The following ADARB2 variants were observed in gnomAD, a reference collection of about 807,000 sequenced individuals.
ADARB2 encodes the protein inactive double-stranded RNA-specific editase B2.
ADARB2 carries 25 observed loss-of-function variants against 62.2 expected under a neutral mutation model. That is an observed-to-expected ratio of 0.40 (90% CI 0.29 to 0.56). The LOEUF (loss-of-function observed/expected upper bound fraction) is 0.56, where lower values mean the gene tolerates loss of function less well. ADARB2 is among the 20% of genes least tolerant of loss of function. ADARB2 has a pLI of 0.43. For missense variants in ADARB2, 1,071 were observed against 1,077.4 expected (o/e 0.99, Z 0.08); for synonymous variants, 572 against 500.8 (o/e 1.14, Z -1.90).
intron 7 of ADARB2, among the ~76,000 whole-genome samples, chr10:1,212,529 A>G (rs1187058450): frequency 6.6e-6 from 1 of 152,216 alleles, no homozygotes; most frequent in Non-Finnish European, 1.5e-5. Flanking sequence ...TGTCGGGACC[A>G]TGGCTGCCCC....
intron 1 of ADARB2, among the ~76,000 whole-genome samples, chr10:1,480,622 T>C (rs1240844385): frequency 2.0e-5 from 3 of 151,010 alleles, no homozygotes; most frequent in East Asian, 2.0e-4. Context: ...GGTGTGAACC[T>C]GGGAGGCGGA....
At chr10:1,725,463 G>A (rs1358128117) in intron 1 of ADARB2, among the ~76,000 whole-genome samples, 1 of 152,198 alleles carries the variant, frequency 6.6e-6, no homozygotes, top group Non-Finnish European at 1.5e-5. Flanking sequence ...ACTCGCAAGT[G>A]AGTCCTGCAG....
At chr10:1,684,514 A>T (rs994947485) in intron 1 of ADARB2, among the ~76,000 whole-genome samples, 1 of 152,212 alleles carries the variant, frequency 6.6e-6, no homozygotes, top group Non-Finnish European at 1.5e-5. Context: ...TGAATGGGGC[A>T]CTTTTCTTAA....
intron 3 of ADARB2, among the ~76,000 whole-genome samples, chr10:1,286,454 C>A (rs1232950643): frequency 6.6e-6 from 1 of 152,178 alleles, no homozygotes; most frequent in Non-Finnish European, 1.5e-5. Flanking sequence ...GATGTCCAAC[C>A]AAATAGTTCA....
rs181076504 is a variant in ADARB2 at position 1,694,108 on chromosome 10, T to C, written c.100+42943A>G. Among the ~76,000 whole-genome samples, 72 of 152,356 alleles carry C rather than the reference T, an allele frequency of 4.7e-4. 1 individual carries two copies. The highest frequency in any genetic ancestry group is 1.7e-3 in the African/African-American group (69 of 41,584). ...GTATCTTGTTTGGGTTTTCATCATG[T>C]AATTTTTCTGGTTCTTTTGATTATT... On this transcript the variant is annotated intron_variant, in intron 1 of 9. Transcript: ENST00000381312.
chr10:1,600,153 G>C (rs1382919345), intron 1 of ADARB2, among the ~76,000 whole-genome samples: 1 of 152,142 alleles, frequency 6.6e-6, no homozygotes, highest in African/African-American at 2.4e-5. Context: ...GGTATAAATA[G>C]TGCAGAAATG....
intron 7 of ADARB2, among the ~76,000 whole-genome samples, chr10:1,209,650 T>C (rs950071364): frequency 1.5e-5 from 2 of 136,420 alleles, no homozygotes; most frequent in Non-Finnish European, 3.2e-5. Context: ...CTCATGCCCA[T>C]GCCTGCACCG....
At chr10:1,232,415 T>C (rs1168282771) in intron 6 of ADARB2, among the ~76,000 whole-genome samples, 2 of 148,036 alleles carry the variant, frequency 1.4e-5, no homozygotes. Context: ...GTGGCATGTG[T>C]GTGGTATATG....
chr10:1,413,277 C>G (rs1412459141), intron 1 of ADARB2, among the ~76,000 whole-genome samples: 1 of 152,184 alleles, frequency 6.6e-6, no homozygotes, highest in Non-Finnish European at 1.5e-5. Flanking sequence ...GGTCCCCAGC[C>G]AATGTCCCAG....
chr10:1,475,059 C>T (rs1019656415), intron 1 of ADARB2, among the ~76,000 whole-genome samples: 2 of 152,150 alleles, frequency 1.3e-5, no homozygotes, highest in East Asian at 1.9e-4. Flanking sequence ...TGCTACAGAG[C>T]AGCGGGTGCC....
At chr10:1,368,086 G>C (rs897571097) in intron 2 of ADARB2, among the ~76,000 whole-genome samples, 2 of 152,156 alleles carry the variant, frequency 1.3e-5, no homozygotes, top group Admixed American at 1.3e-4. Flanking sequence ...TGACGTGGGA[G>C]CCCAGCACAG....
At chr10:1,202,270 CAG>C (rs1836996511) in intron 7 of ADARB2, among the ~76,000 whole-genome samples, 1 of 151,800 alleles carries the variant, frequency 6.6e-6, no homozygotes, top group African/African-American at 2.4e-5. Context: ...TTTTTTTAGA[CAG>C]GGTCTCACTC....
intron 3 of ADARB2, among the ~76,000 whole-genome samples, chr10:1,323,341 G>C (rs1589191943): frequency 6.6e-6 from 1 of 150,888 alleles, no homozygotes; most frequent in South Asian, 2.1e-4. Flanking sequence ...AATTAATAGA[G>C]AGACATGCCG....
intron 3 of ADARB2, among the ~76,000 whole-genome samples, chr10:1,318,973 G>A (rs142059626): frequency 5.9e-5 from 9 of 152,278 alleles, no homozygotes; most frequent in Non-Finnish European, 7.4e-5. Flanking sequence ...AATTTCTGTC[G>A]TCTGCTTATA....
chr10:1,254,624 G>A (rs1007308240), intron 4 of ADARB2, among the ~76,000 whole-genome samples: 1 of 152,154 alleles, frequency 6.6e-6, no homozygotes, highest in African/African-American at 2.4e-5. Context: ...GTGAATTTGG[G>A]GAGCAGAAGT....
chr10:1,675,932 G>C (rs1488407018), intron 1 of ADARB2: 8 of 918,686 alleles, frequency 8.7e-6, no homozygotes, highest in Non-Finnish European at 1.0e-5. Flanking sequence ...GGTCAGAGTT[G>C]AATCTGCTCA....
intron 1 of ADARB2, among the ~76,000 whole-genome samples, chr10:1,462,722 T>C (rs982538195): frequency 1.4e-4 from 22 of 152,014 alleles, no homozygotes; most frequent in Non-Finnish European, 2.2e-4. Flanking sequence ...CATGACTGTA[T>C]GTGCATGTGT....
intron 1 of ADARB2, among the ~76,000 whole-genome samples, chr10:1,589,400 C>T (rs762181113): frequency 4.0e-5 from 6 of 151,462 alleles, no homozygotes; most frequent in East Asian, 2.0e-4. Flanking sequence ...AAGGCATCCA[C>T]GGAGGGGCGT....
At chr10:1,475,266 T>C (rs1271460263) in intron 1 of ADARB2, among the ~76,000 whole-genome samples, 1 of 152,226 alleles carries the variant, frequency 6.6e-6, no homozygotes, top group Non-Finnish European at 1.5e-5. Flanking sequence ...GAATAACTAC[T>C]GTGGAGAAAG....
Sources: gnomAD v4.1 joint callset for allele counts (sites outside exome capture counted in the v4.1 genomes callset) on GRCh38, gnomAD v4.1.1 for gene constraint, MANE v1.5 for transcripts, NCBI Gene and HGNC (gene_info 2026-07-23, HGNC 2026-07-21) for gene names.